The following HIBCH variants were observed in gnomAD, a reference collection of about 807,000 sequenced individuals.
HIBCH encodes 3-hydroxyisobutyryl-CoA hydrolase, mitochondrial.
HIBCH carries 50 observed loss-of-function variants against 58.2 expected under a neutral mutation model. The ratio of observed to expected loss-of-function variants is 0.86; its 90% confidence interval spans 0.68 to 1.09. The LOEUF is 1.09. Ranked by LOEUF, HIBCH falls within the 50% of genes least tolerant of loss-of-function variation. The pLI is 0.00. For synonymous variants in HIBCH, 151 were observed against 146.9 expected, an observed-to-expected ratio of 1.03 and a Z score of -0.20; for missense variants, 450 against 449.7, an observed-to-expected ratio of 1.00 and a Z score of -0.01.
In HIBCH at chr2:190,198,028, C is replaced by T. The variant is rs575906788; in HGVS notation, c.*17+7072G>A. Among the ~76,000 whole-genome samples the T allele has an allele frequency of 5.3e-5, 8 of 152,236 alleles. No homozygotes were observed. The South Asian group carries it at 1.0e-3, about 20-fold the overall frequency. ...TGATGATTAACAACCAAGACAGTCC[C>T]CATCTTCAGTTCAGGCTAGTAAACA... On this transcript the variant is annotated intron_variant, in intron 1 of 1. Coordinates refer to the HIBCH transcript ENST00000399855.
At chr2:190,241,027 C>T (rs915821542) in intron 11 of HIBCH, among the ~76,000 whole-genome samples, 5 of 152,136 alleles carry the variant, frequency 3.3e-5, no homozygotes, top group African/African-American at 1.2e-4. Context: ...TCCTGAATAT[C>T]CTTGTTAATT....
intron 9 of HIBCH, among the ~76,000 whole-genome samples, chr2:190,248,111 G>T (rs1349666392): frequency 6.6e-6 from 1 of 152,092 alleles, no homozygotes; most frequent in Non-Finnish European, 1.5e-5. Context: ...GTTATAGATT[G>T]GTATTTGTCT....
intron 1 of HIBCH, 90 bp from the exon 2 acceptor site, chr2:190,310,886 T>G (rs564796422): frequency 1.1e-6 from 1 of 907,950 alleles, no homozygotes; most frequent in Non-Finnish European, 1.8e-6. Flanking sequence ...TTTCAGCCTC[T>G]TCTAAAAGGT....
intron 1 of HIBCH, among the ~76,000 whole-genome samples, chr2:190,317,462 G>A (rs1688732694): frequency 6.6e-6 from 1 of 152,220 alleles, no homozygotes. Flanking sequence ...GAACAGAACA[G>A]TAGGTAATTG....
At chr2:190,208,796 G>T in intron 13 of HIBCH, 84 bp downstream of exon 13, 1 of 1,193,772 alleles carries the variant, frequency 8.4e-7, no homozygotes, top group Non-Finnish European at 1.2e-6. Flanking sequence ...GATTTGGGAT[G>T]CATAATCTGT....
chr2:190,314,334 TATAC>T (rs1688646118), intron 1 of HIBCH, among the ~76,000 whole-genome samples: 2 of 93,950 alleles, frequency 2.1e-5, no homozygotes, highest in African/African-American at 9.0e-5. Context: ...TATATGTATA[TATAC>T]ATATATATGT....
chr2:190,274,634 AG>A (rs1687498278), intron 6 of HIBCH, among the ~76,000 whole-genome samples: 1 of 152,196 alleles, frequency 6.6e-6, no homozygotes, highest in Admixed American at 6.5e-5. Flanking sequence ...GACCAACAAG[AG>A]AAAAACAGTT....
chr2:190,251,478 G>A (rs1330504501), intron 8 of HIBCH: 2 of 413,030 alleles, frequency 4.8e-6, no homozygotes, highest in African/African-American at 4.3e-5. Context: ...GGAATTCTGA[G>A]GCAAAACTAC....
intron 13 of HIBCH, 51 bp downstream of exon 13, chr2:190,208,829 T>C (rs1435169720): frequency 1.3e-6 from 2 of 1,515,622 alleles, no homozygotes; most frequent in Non-Finnish European, 1.8e-6. Flanking sequence ...TAACAGCATA[T>C]GCTCACAAAT....
At chr2:190,253,368 A>G (rs570202198) in intron 7 of HIBCH, among the ~76,000 whole-genome samples, 1 of 152,294 alleles carries the variant, frequency 6.6e-6, no homozygotes, top group South Asian at 2.1e-4. Context: ...AATTCTCTCC[A>G]GTTCTACTTT....
At chr2:190,246,263 C>A in intron 9 of HIBCH, 51 bp from the exon 10 acceptor site, 2 of 1,033,370 alleles carry the variant, frequency 1.9e-6, no homozygotes, top group Non-Finnish European at 3.0e-6. Context: ...TTTTTTAATC[C>A]TTAAAAATTC....
At chr2:190,227,943 A>G (rs537576159) in intron 11 of HIBCH, among the ~76,000 whole-genome samples, 158 of 152,334 alleles carry the variant, frequency 1.0e-3, no homozygotes, top group Middle Eastern at 6.8e-3. Context: ...ACACTTTTAC[A>G]TTGTTTGTGG....
chr2:190,221,225 G>A (rs1685709624), intron 11 of HIBCH, among the ~76,000 whole-genome samples: 1 of 152,150 alleles, frequency 6.6e-6, no homozygotes, highest in Non-Finnish European at 1.5e-5. Context: ...ATCTAGCACA[G>A]AGTCTTCGGG....
chr2:190,212,753 T>C (rs565016227), intron 12 of HIBCH, among the ~76,000 whole-genome samples: 6 of 152,314 alleles, frequency 3.9e-5, no homozygotes, highest in South Asian at 2.1e-4. Flanking sequence ...GCAAATGTAA[T>C]TGCTATTTTA....
intron 6 of HIBCH, among the ~76,000 whole-genome samples, chr2:190,284,300 T>C (rs1687778201): frequency 6.6e-6 from 1 of 152,126 alleles, no homozygotes; most frequent in African/African-American, 2.4e-5. Flanking sequence ...TATACCAACC[T>C]ATACAAGCCC....
At chr2:190,205,676 A>G (rs1311615629) in intron 13 of HIBCH, among the ~76,000 whole-genome samples, 1 of 152,190 alleles carries the variant, frequency 6.6e-6, no homozygotes, top group Non-Finnish European at 1.5e-5. Context: ...TGCTTAAGGT[A>G]GAGAAAAGGG....
intron 2 of HIBCH, among the ~76,000 whole-genome samples, chr2:190,300,976 G>C (rs1169526191): frequency 6.6e-6 from 1 of 151,638 alleles, no homozygotes; most frequent in Non-Finnish European, 1.5e-5. Context: ...CTGAATGGCT[G>C]TAAGTTAGTC....
chr2:190,229,419 G>A (rs186104522), intron 11 of HIBCH, among the ~76,000 whole-genome samples: 1 of 152,266 alleles, frequency 6.6e-6, no homozygotes, highest in Admixed American at 6.5e-5. Context: ...TCTGAATAAA[G>A]GCTGTAGCAT....
In HIBCH at chr2:190,214,995, G is replaced by A. The variant is rs936495346; in HGVS notation, c.892-1920C>T. The A allele has an allele frequency of 2.0e-5, 3 of 152,194 alleles. No homozygotes were observed. The highest frequency in any genetic ancestry group is 1.3e-4 in the Admixed American group (2 of 15,278). The allele number at this position is 152,194 out of a possible 1,614,324, so 9.4% of individuals were successfully genotyped here. On this transcript the variant is annotated intron_variant, in intron 11 of 13. Transcript: ENST00000359678. The surrounding 1 kb of genome is among the most constrained non-coding windows in gnomAD (Gnocchi z 5.5). ...GTACTCTCTTAGAGAAGTCCCTATG[G>A]GACAGGGAGGAGTTGGGTTTGTGAA...
Sources: allele counts gnomAD v4.1 joint callset (sites outside exome capture counted in the v4.1 genomes callset), GRCh38; gene constraint gnomAD v4.1.1; non-coding constraint Gnocchi (gnomAD v3.1); transcripts MANE v1.5; gene names NCBI Gene and HGNC (gene_info 2026-07-23, HGNC 2026-07-21).